The following SPATA13 variants were observed in gnomAD, a reference collection of about 807,000 sequenced individuals.
SPATA13 encodes spermatogenesis associated 13, also known as spermatogenesis-associated protein 13.
Under a neutral mutation model 104.0 loss-of-function variants are expected in SPATA13, and 50 were observed. The ratio of observed to expected loss-of-function variants is 0.48; its 90% CI spans 0.38 to 0.61. SPATA13 has a LOEUF of 0.61. Ranked by LOEUF, SPATA13 falls within the 20% of genes least tolerant of loss-of-function variation. The pLI is 0.00. For synonymous variants in SPATA13, 606 were observed against 667.5 expected, an observed-to-expected ratio of 0.91 and a Z score of 1.42; for missense variants, 1,524 against 1,690.6, an observed-to-expected ratio of 0.90 and a Z score of 1.73.
chr13:24,250,555 T>C (rs1397373592), intron 3 of SPATA13, among the ~76,000 whole-genome samples: 2 of 152,218 alleles, frequency 1.3e-5, no homozygotes, highest in African/African-American at 2.4e-5. Flanking sequence ...ACTTTCATTT[T>C]TAAAACCTGG....
chr13:24,019,198 C>T (rs927660067), intron 3 of SPATA13, among the ~76,000 whole-genome samples: 2 of 149,616 alleles, frequency 1.3e-5, no homozygotes, highest in East Asian at 1.9e-4. Context: ...ACGCCATTCT[C>T]CTGCCTCAGC....
chr13:24,246,630 T>C (rs1399423141), intron 2 of SPATA13, among the ~76,000 whole-genome samples: 1 of 152,078 alleles, frequency 6.6e-6, no homozygotes, highest in Non-Finnish European at 1.5e-5. Context: ...GAAGCTGCAG[T>C]GGGTGGATCA....
intron 4 of SPATA13, among the ~76,000 whole-genome samples, chr13:24,259,664 C>T (rs987076183): frequency 6.6e-6 from 1 of 152,152 alleles, no homozygotes; most frequent in African/African-American, 2.4e-5. Context: ...ACCTCATCAG[C>T]TCAACATTAT....
intron 2 of SPATA13, among the ~76,000 whole-genome samples, chr13:24,001,034 C>G (rs902260857): frequency 6.6e-6 from 1 of 152,074 alleles, no homozygotes; most frequent in Non-Finnish European, 1.5e-5. Flanking sequence ...CTGTGTTTCC[C>G]CCTTGTTCAC....
At chr13:24,068,406 T>C (rs1879042498) in intron 3 of SPATA13, among the ~76,000 whole-genome samples, 1 of 152,232 alleles carries the variant, frequency 6.6e-6, no homozygotes, top group Non-Finnish European at 1.5e-5. Flanking sequence ...ATTCCATGTC[T>C]TTGCTATTGT....
chr13:24,122,980 T>G lies in SPATA13; in HGVS notation c.-111-99839T>G, dbSNP rs1881088871. 23 of 816,660 alleles carry G rather than the reference T, an allele frequency of 2.8e-5. No individual in the cohort carries two copies. The East Asian group carries it at 5.6e-4, about 20-fold the overall frequency. The allele number at this position is 816,660 out of a possible 1,614,324, so 50.6% of individuals were successfully genotyped here. A position where few individuals can be genotyped will look rare whatever the true frequency, so the allele number is the denominator to read the frequency against. On this transcript the variant is annotated intron_variant, in intron 3 of 14. Coordinates refer to the SPATA13 transcript ENST00000424834. The stretch of plus-strand genomic sequence containing the variant: ...GGTGTATTCAGAATTCCCATAGCAG[T>G]AACTGCTTTGTCATCACTACCTTCT...
At chr13:24,234,566 C>G (rs927553) in intron 2 of SPATA13, among the ~76,000 whole-genome samples, 71,592 of 152,076 alleles carry the variant, frequency 0.47, 17,123 homozygotes, top group African/African-American at 0.56. Context: ...GAATGCCGTA[C>G]GTTTTGTTGG....
intron 2 of SPATA13, among the ~76,000 whole-genome samples, chr13:24,246,870 A>G (rs1873170558): frequency 6.6e-6 from 1 of 152,198 alleles, no homozygotes; most frequent in Admixed American, 6.5e-5. Context: ...TCAAAAAAAA[A>G]AAGTGACTCA....
At chr13:24,297,240 G>A (rs1876847819) in intron 10 of SPATA13, 123 bp from the exon 11 acceptor site, 3 of 1,167,330 alleles carry the variant, frequency 2.6e-6, no homozygotes, top group Non-Finnish European at 3.6e-6. Context: ...GGGTCTTGCT[G>A]TGTTGCCCAG....
intron 3 of SPATA13, among the ~76,000 whole-genome samples, chr13:24,095,519 A>T (rs1022277628): frequency 6.6e-6 from 1 of 152,186 alleles, no homozygotes; most frequent in African/African-American, 2.4e-5. Flanking sequence ...TGAAAGTGGG[A>T]ATGCACCTGA....
chr13:24,072,611 C>A (rs781753516), intron 3 of SPATA13, among the ~76,000 whole-genome samples: 1 of 152,108 alleles, frequency 6.6e-6, no homozygotes, highest in Non-Finnish European at 1.5e-5. Flanking sequence ...GCTTCCATTC[C>A]CATGATTTCA....
chr13:24,248,068 G>A (rs1266228339), intron 2 of SPATA13, among the ~76,000 whole-genome samples: 1 of 152,202 alleles, frequency 6.6e-6, no homozygotes, highest in Non-Finnish European at 1.5e-5. Context: ...ATATCTGTAG[G>A]TAAGGTTCAG....
chr13:24,012,841 T>C (rs1876536258), intron 2 of SPATA13, among the ~76,000 whole-genome samples: 1 of 152,214 alleles, frequency 6.6e-6, no homozygotes, highest in South Asian at 2.1e-4. Context: ...CTGTTTGGTT[T>C]ATGCGTCTGC....
intron 3 of SPATA13, among the ~76,000 whole-genome samples, chr13:24,023,200 G>T (rs549740091): frequency 6.6e-6 from 1 of 152,104 alleles, no homozygotes; most frequent in Admixed American, 6.5e-5. Context: ...CTGTCTTTGT[G>T]ATAGGTTGCT....
At chr13:24,037,013 A>G (rs543670314) in intron 3 of SPATA13, among the ~76,000 whole-genome samples, 1 of 151,984 alleles carries the variant, frequency 6.6e-6, no homozygotes, top group East Asian at 1.9e-4. Flanking sequence ...TGACCTCCTG[A>G]TCTGCCCACT....
chr13:24,068,516 A>G (rs1481817379), intron 3 of SPATA13, among the ~76,000 whole-genome samples: 5 of 152,198 alleles, frequency 3.3e-5, no homozygotes, highest in Non-Finnish European at 5.9e-5. Context: ...GCTTTGTCAA[A>G]TGATATTTCT....
At chr13:24,117,441 G>A (rs556382791) in intron 3 of SPATA13, among the ~76,000 whole-genome samples, 7 of 152,244 alleles carry the variant, frequency 4.6e-5, no homozygotes, top group African/African-American at 1.7e-4. Flanking sequence ...GATGCAGTTT[G>A]GGTTTACTGT....
At chr13:24,271,014 CTCTCT>C in intron 4 of SPATA13, 3 of 747,426 alleles carry the variant, frequency 4.0e-6, no homozygotes, top group African/African-American at 3.6e-5. Context: ...TCTCTCCACT[CTCTCT>C]CACTCTCTCT....
At chr13:24,138,808 C>T (rs565175380) in intron 3 of SPATA13, among the ~76,000 whole-genome samples, 1 of 149,694 alleles carries the variant, frequency 6.7e-6, no homozygotes, top group African/African-American at 2.5e-5. Flanking sequence ...CTCAGGCTGG[C>T]CTCAAACTGC....
Sources: allele counts gnomAD v4.1 joint callset (sites outside exome capture counted in the v4.1 genomes callset), GRCh38; gene constraint gnomAD v4.1.1; transcripts MANE v1.5; gene names NCBI Gene and HGNC (gene_info 2026-07-23, HGNC 2026-07-21).